The following PPP1R1C variants were observed in gnomAD, a reference collection of about 807,000 sequenced individuals.
The protein encoded by PPP1R1C is protein phosphatase 1 regulatory inhibitor subunit 1C, also known as protein phosphatase 1 regulatory subunit 1C.
A neutral mutation model predicts 17.4 loss-of-function variants in PPP1R1C; 15 were observed. The observed-to-expected ratio is 0.86, with a 90% CI of 0.58 to 1.33. The LOEUF is 1.33. Among genes scored for constraint, PPP1R1C ranks in the 40% most tolerant of loss-of-function variants. The pLI is 0.00. For missense variants in PPP1R1C, 143 were observed against 130.0 expected, an observed-to-expected ratio of 1.10 and a Z score of -0.48; for synonymous variants, 35 against 43.1, an observed-to-expected ratio of 0.81 and a Z score of 0.73.
intron 2 of PPP1R1C, among the ~76,000 whole-genome samples, chr2:181,993,959 T>A (rs1276619742): frequency 6.6e-6 from 1 of 151,938 alleles, no homozygotes; most frequent in Admixed American, 6.6e-5. Flanking sequence ...TTTTTTCTAA[T>A]CCAGATGATG....
chr2:182,076,000 GC>G (rs1688286337), intron 4 of PPP1R1C, among the ~76,000 whole-genome samples: 3 of 151,618 alleles, frequency 2.0e-5, no homozygotes, highest in Admixed American at 2.0e-4. Context: ...TAGTTTAAAT[GC>G]TTTTTTTAGT....
chr2:182,124,317 TTTTTTTTTTG>T (rs1689815043), intron 5 of PPP1R1C, among the ~76,000 whole-genome samples: 1 of 83,300 alleles, frequency 1.2e-5, no homozygotes. Flanking sequence ...TTTTTTTGTT[TTTTTTTTTTG>T]TTTTTTTTTT....
intron 2 of PPP1R1C, among the ~76,000 whole-genome samples, chr2:181,991,036 A>T (rs1408104227): frequency 6.6e-6 from 1 of 152,342 alleles, no homozygotes; most frequent in Non-Finnish European, 1.5e-5. Context: ...TTATAGAAAC[A>T]TAAGTAATAA....
At chr2:182,106,897 A>G (rs909406230) in intron 4 of PPP1R1C, among the ~76,000 whole-genome samples, 6 of 152,092 alleles carry the variant, frequency 3.9e-5, no homozygotes, top group African/African-American at 1.4e-4. Flanking sequence ...GAGCAGGGGG[A>G]CACCAGAAGA....
At chr2:182,070,652 A>G (rs1574426765) in intron 4 of PPP1R1C, among the ~76,000 whole-genome samples, 1 of 152,240 alleles carries the variant, frequency 6.6e-6, no homozygotes, top group African/African-American at 2.4e-5. Context: ...AGTATGGCAC[A>G]GTTATAATTG....
intron 4 of PPP1R1C, among the ~76,000 whole-genome samples, chr2:182,078,367 T>C (rs920382115): frequency 1.3e-5 from 2 of 151,950 alleles, no homozygotes; most frequent in Non-Finnish European, 2.9e-5. Context: ...CTAGATAGAG[T>C]AGGCAGGTAT....
chr2:182,041,729 A>G (rs982229748), intron 2 of PPP1R1C, among the ~76,000 whole-genome samples: 2 of 152,110 alleles, frequency 1.3e-5, no homozygotes, highest in African/African-American at 4.8e-5. Flanking sequence ...CAAAAAAATT[A>G]TCATAGTAGA....
chr2:181,959,377 A>T, intron 1 of PPP1R1C, among the ~76,000 whole-genome samples: 1 of 152,178 alleles, frequency 6.6e-6, no homozygotes, highest in East Asian at 1.9e-4. Flanking sequence ...AAGCATTTGG[A>T]TCTGAATCAA....
chr2:181,982,819 G>A (rs1176496219), upstream of PPP1R1C, among the ~76,000 whole-genome samples: 1 of 152,074 alleles, frequency 6.6e-6, no homozygotes, highest in African/African-American at 2.4e-5. Flanking sequence ...AGGCCTAATG[G>A]CCTATTTTCC....
intron 2 of PPP1R1C, among the ~76,000 whole-genome samples, chr2:182,058,030 A>G (rs1189593545): frequency 1.3e-5 from 2 of 152,108 alleles, no homozygotes; most frequent in African/African-American, 2.4e-5. Flanking sequence ...CCTATTCTTA[A>G]TATTCTAAGT....
intron 2 of PPP1R1C, among the ~76,000 whole-genome samples, chr2:182,050,512 T>C (rs148519498): frequency 6.6e-6 from 1 of 152,342 alleles, no homozygotes; most frequent in East Asian, 1.9e-4. Context: ...AAGCCTCTGC[T>C]TGTGTATTCT....
intron 4 of PPP1R1C, among the ~76,000 whole-genome samples, chr2:182,084,371 GTTTTA>G (rs1286799023): frequency 2.6e-5 from 4 of 151,938 alleles, no homozygotes; most frequent in African/African-American, 9.7e-5. Context: ...TTTTTCCTAG[GTTTTA>G]TTTTAAGATT....
chr2:182,038,836 CT>C (rs1334808303), intron 2 of PPP1R1C, among the ~76,000 whole-genome samples: 1 of 152,102 alleles, frequency 6.6e-6, no homozygotes, highest in Non-Finnish European at 1.5e-5. Flanking sequence ...TCATCAACTG[CT>C]ATAAGTAACA....
At chr2:181,990,321 T>G (rs922597506) in intron 2 of PPP1R1C, among the ~76,000 whole-genome samples, 7 of 151,936 alleles carry the variant, frequency 4.6e-5, no homozygotes, top group Admixed American at 1.3e-4. Context: ...TTGTATTTTT[T>G]TTTTAGTAGA....
intron 4 of PPP1R1C, among the ~76,000 whole-genome samples, chr2:182,087,449 C>A (rs1688659569): frequency 6.6e-6 from 1 of 152,198 alleles, no homozygotes; most frequent in African/African-American, 2.4e-5. Context: ...ATGCTGCTTT[C>A]ATCTTTTTAA....
intron 1 of PPP1R1C, among the ~76,000 whole-genome samples, chr2:181,973,453 T>C (rs765715134): frequency 5.3e-5 from 8 of 152,188 alleles, no homozygotes; most frequent in Non-Finnish European, 1.0e-4. Flanking sequence ...AACTTATTTT[T>C]GTTTAAATAG....
chr2:182,076,463 A>G (rs542531166), intron 4 of PPP1R1C, among the ~76,000 whole-genome samples: 4 of 151,976 alleles, frequency 2.6e-5, no homozygotes, highest in African/African-American at 9.6e-5. Flanking sequence ...AGCAAGAAGT[A>G]CTTGTTCCTG....
chr2:182,065,280 A>C, intron 4 of PPP1R1C, among the ~76,000 whole-genome samples: 1 of 152,106 alleles, frequency 6.6e-6, no homozygotes, highest in Admixed American at 6.6e-5. Context: ...TTATAATCAG[A>C]AATGATTTGG....
At chr2:182,044,362 C>A (rs1017662303) in intron 2 of PPP1R1C, among the ~76,000 whole-genome samples, 1 of 152,160 alleles carries the variant, frequency 6.6e-6, no homozygotes, top group African/African-American at 2.4e-5. Context: ...TCTCTGAACT[C>A]ACCCCTGGCA....
Sources: allele counts gnomAD v4.1 joint callset (sites outside exome capture counted in the v4.1 genomes callset), GRCh38; gene constraint gnomAD v4.1.1; transcripts MANE v1.5; gene names NCBI Gene and HGNC (gene_info 2026-07-23, HGNC 2026-07-21).